FBN1: variants seen among roughly 807,000 people sequenced by gnomAD.
FBN1 encodes fibrillin-1.
FBN1 carries 29 observed loss-of-function variants against 365.1 expected under a neutral mutation model. That is an observed-to-expected ratio of 0.08 (90% CI 0.06 to 0.11). The LOEUF (loss-of-function observed/expected upper bound fraction) is 0.11, where lower values mean the gene tolerates loss of function less well. Among genes scored for constraint, FBN1 ranks in the 10% least tolerant of loss-of-function variants. The pLI is 1.00. For synonymous variants in FBN1, 1,210 were observed against 1,270.5 expected, an observed-to-expected ratio of 0.95 and a Z score of 1.01; for missense variants, 2,476 against 3,703.2, an observed-to-expected ratio of 0.67 and a Z score of 8.60.
intron 63 of FBN1, among the ~76,000 whole-genome samples, chr15:48,417,464 CTTCCT>C (rs1442674877): frequency 2.5e-5 from 3 of 120,634 alleles, no homozygotes. Context: ...TCCTTCCTTC[CTTCCT>C]TTCCTTCCTT....
At chr15:48,531,755 T>G (rs542443267) in intron 8 of FBN1, among the ~76,000 whole-genome samples, 1 of 152,194 alleles carries the variant, frequency 6.6e-6, no homozygotes, top group Non-Finnish European at 1.5e-5. Flanking sequence ...GGGTACTTCC[T>G]GATTACTTTC....
chr15:48,484,563 G>A (rs1197396025), intron 30 of FBN1, among the ~76,000 whole-genome samples: 1 of 152,010 alleles, frequency 6.6e-6, no homozygotes, highest in Non-Finnish European at 1.5e-5. Context: ...TAGAAATGGG[G>A]TTTCACCATG....
chr15:48,616,410 A>C (rs999507829), intron 2 of FBN1, among the ~76,000 whole-genome samples: 2 of 152,224 alleles, frequency 1.3e-5, no homozygotes, highest in Non-Finnish European at 2.9e-5. Context: ...GGTCTTGAGA[A>C]ACTGCAAACT....
chr15:48,480,022 C>A (rs995028042), intron 32 of FBN1, among the ~76,000 whole-genome samples: 2 of 152,126 alleles, frequency 1.3e-5, no homozygotes, highest in Non-Finnish European at 2.9e-5. Flanking sequence ...GCATTGTATA[C>A]ATTATATGTC....
At chr15:48,526,712 G>A (rs1000042233) in intron 8 of FBN1, among the ~76,000 whole-genome samples, 2 of 152,048 alleles carry the variant, frequency 1.3e-5, no homozygotes, top group East Asian at 3.9e-4. Context: ...AAGAGATCTT[G>A]TGGTCTGAGT....
At chr15:48,468,755 C>G (rs1007322654) in intron 36 of FBN1, among the ~76,000 whole-genome samples, 1 of 152,088 alleles carries the variant, frequency 6.6e-6, no homozygotes, top group Admixed American at 6.6e-5. Flanking sequence ...ATTTACCATT[C>G]AAATTTGTCA....
Position 48,420,888 on chromosome 15 carries a change from C to G in FBN1, c.7700-82G>C, listed in dbSNP as rs1284779217. 3 of 1,423,354 alleles carry G rather than the reference C, an allele frequency of 2.1e-6. No homozygotes were observed. In the African/African-American group the frequency reaches 4.2e-5, roughly 20 times the overall value. 88.2% of individuals were successfully genotyped at this position (1,423,354 alleles called of 1,614,324 possible). ...ATGGATTCTAATAAGAAATCTGGCC[C>G]CTACACATCCTACACATTATTCTAC... On this transcript the variant is annotated intron_variant, in intron 62 of 65. Coordinates refer to ENST00000316623, the MANE Select transcript of FBN1 (RefSeq NM_000138.5).
At chr15:48,496,334 G>A in intron 19 of FBN1, 109 bp from the exon 20 acceptor site, 3 of 1,350,994 alleles carry the variant, frequency 2.2e-6, no homozygotes, top group Non-Finnish European at 3.1e-6. Context: ...ATCAATTCAA[G>A]CAAAAAGGCA....
At chr15:48,536,149 C>G (rs1292025498) in intron 7 of FBN1, among the ~76,000 whole-genome samples, 1 of 152,074 alleles carries the variant, frequency 6.6e-6, no homozygotes, top group Non-Finnish European at 1.5e-5. Flanking sequence ...AACAACCAAA[C>G]ATGAAGAATT....
intron 29 of FBN1, among the ~76,000 whole-genome samples, chr15:48,486,819 A>G (rs2043510954): frequency 6.6e-6 from 1 of 152,184 alleles, no homozygotes; most frequent in South Asian, 2.1e-4. Context: ...TATTAGAGCT[A>G]AAACATCCTA....
chr15:48,642,226 AAAATT>A (rs1890209830), intron 2 of FBN1: 1 of 152,298 alleles, frequency 6.6e-6, no homozygotes, highest in South Asian at 2.1e-4. Flanking sequence ...AAAAATACAA[AAAATT>A]AGCCGGGCTT....
intron 2 of FBN1, among the ~76,000 whole-genome samples, chr15:48,615,572 G>A (rs1889636206): frequency 6.6e-6 from 1 of 152,078 alleles, no homozygotes; most frequent in Non-Finnish European, 1.5e-5. Flanking sequence ...TGTAAATGTT[G>A]TAAACCTTCA....
At chr15:48,431,746 C>T (rs200753958) in intron 55 of FBN1, among the ~76,000 whole-genome samples, 1 of 152,048 alleles carries the variant, frequency 6.6e-6, no homozygotes, top group Non-Finnish European at 1.5e-5. Flanking sequence ...CCTCCACCTC[C>T]GGGGTTCAAG....
At chr15:48,454,955 A>G (rs1442080030) in intron 44 of FBN1, among the ~76,000 whole-genome samples, 1 of 152,204 alleles carries the variant, frequency 6.6e-6, no homozygotes, top group East Asian at 1.9e-4. Flanking sequence ...GCGCCACTGG[A>G]GAAACTGAGT....
intron 6 of FBN1, among the ~76,000 whole-genome samples, chr15:48,579,172 C>G (rs376258925): frequency 2.0e-5 from 3 of 152,056 alleles, no homozygotes; most frequent in African/African-American, 7.2e-5. Flanking sequence ...GATTTCACCA[C>G]GAGCACTGAA....
intron 6 of FBN1, among the ~76,000 whole-genome samples, chr15:48,562,789 C>G (rs1220771552): frequency 6.6e-6 from 1 of 152,130 alleles, no homozygotes; most frequent in African/African-American, 2.4e-5. Context: ...GCAAGGAGAA[C>G]AGCCCACACA....
intron 6 of FBN1, among the ~76,000 whole-genome samples, chr15:48,549,643 C>G (rs139176120): frequency 7.2e-5 from 11 of 152,112 alleles, no homozygotes; most frequent in African/African-American, 2.2e-4. Flanking sequence ...GGAAGAAGAA[C>G]GTGTTCTTTC....
chr15:48,431,896 C>G (rs928632363), intron 55 of FBN1, among the ~76,000 whole-genome samples: 1 of 152,086 alleles, frequency 6.6e-6, no homozygotes, highest in Non-Finnish European at 1.5e-5. Flanking sequence ...CTCTGGTTAT[C>G]CACCCACCTC....
In FBN1 at chr15:48,488,253, CA is replaced by C. The variant is rs1299428644; in HGVS notation, c.3209-13del. 1 of 1,614,214 alleles carries C rather than the reference CA, an allele frequency of 6.2e-7. No homozygotes were observed. On this transcript the variant is annotated splice_polypyrimidine_tract_variant and intron_variant, in intron 26 of 65. Coordinates refer to ENST00000316623, the MANE Select transcript of FBN1 (RefSeq NM_000138.5). Reference sequence around the variant, plus strand: ...GCATTCGTCAATGTCTGCACAAAAACAGCAAGTGGCAGCAAATGAGTCTCAG... The same window carrying C: ...GCATTCGTCAATGTCTGCACAAAAACGCAAGTGGCAGCAAATGAGTCTCAG...
Sources: gnomAD v4.1 joint callset for allele counts (sites outside exome capture counted in the v4.1 genomes callset) on GRCh38, gnomAD v4.1.1 for gene constraint, MANE v1.5 for transcripts, NCBI Gene and HGNC (gene_info 2026-07-23, HGNC 2026-07-21) for gene names.